Variants in FAF1 observed in about 807,000 individuals in gnomAD.
The protein encoded by FAF1 is FAS-associated factor 1.
In FAF1, 25 loss-of-function variants were observed where a neutral mutation model predicts 92.5. That is an observed-to-expected ratio of 0.27 (90% CI 0.20 to 0.38). FAF1 has a LOEUF of 0.38. Among genes scored for constraint, FAF1 ranks in the 10% least tolerant of loss-of-function variants. FAF1 has a pLI of 1.00. For missense variants in FAF1, 636 were observed against 793.3 expected (o/e 0.80, Z 2.38); for synonymous variants, 234 against 273.2 (o/e 0.86, Z 1.42).
At chr1:50,726,713 C>T (rs896869165) in intron 6 of FAF1, among the ~76,000 whole-genome samples, 1 of 152,146 alleles carries the variant, frequency 6.6e-6, no homozygotes, top group Admixed American at 6.5e-5. Context: ...CCTGTAGTCC[C>T]AGCTACTCTG....
chr1:50,456,697 G>T (rs1229888330), intron 18 of FAF1, among the ~76,000 whole-genome samples: 1 of 152,182 alleles, frequency 6.6e-6, no homozygotes, highest in Non-Finnish European at 1.5e-5. Flanking sequence ...GATTATAATA[G>T]TAAACAAGAC....
chr1:50,670,380 G>A (rs1402118722), intron 7 of FAF1, among the ~76,000 whole-genome samples: 3 of 151,778 alleles, frequency 2.0e-5, no homozygotes, highest in African/African-American at 4.8e-5. Flanking sequence ...GAGCCACGGC[G>A]CCTGGCCAGC....
chr1:50,943,399 C>T (rs983486290), intron 1 of FAF1, among the ~76,000 whole-genome samples: 4 of 152,096 alleles, frequency 2.6e-5, no homozygotes, highest in African/African-American at 9.7e-5. Context: ...TTCCTTTTGG[C>T]CTAAGATATT....
chr1:50,910,716 C>G (rs1302603278), intron 1 of FAF1, among the ~76,000 whole-genome samples: 1 of 151,850 alleles, frequency 6.6e-6, no homozygotes, highest in African/African-American at 2.4e-5. Flanking sequence ...GTGCCGTTCG[C>G]TAAGACCATT....
intron 1 of FAF1, among the ~76,000 whole-genome samples, chr1:50,938,721 A>T (rs1645106718): frequency 6.6e-6 from 1 of 152,212 alleles, no homozygotes; most frequent in African/African-American, 2.4e-5. Context: ...TCTTTCATTT[A>T]AATCTTTAAT....
At position 50,904,834 on chromosome 1, in the gene FAF1, T is replaced by C. The variant is rs926012087; in HGVS notation, c.46-46837A>G. On this transcript the variant is annotated intron_variant, in intron 1 of 18. Coordinates refer to ENST00000396153, the MANE Select transcript of FAF1 (RefSeq NM_007051.3). ...CTACTACCCAACTAAAAAAATACATTATCAATATCTTTTAAGCCATCTGAA... is the reference window on the plus strand; with the variant it reads ...CTACTACCCAACTAAAAAAATACATCATCAATATCTTTTAAGCCATCTGAA... 2.0e-5 allele frequency among the ~76,000 whole-genome samples: 3 copies of C among 152,154 alleles called. No individual in the cohort carries two copies. The South Asian group carries it at 6.2e-4, about 32-fold the overall frequency.
In FAF1 at chr1:50,491,711, C is replaced by A. The variant is rs1646840596; in HGVS notation, c.1575+10G>T. The A allele has an allele frequency of 6.3e-7, 1 of 1,597,676 alleles. No homozygotes were observed. Among genetic ancestry groups the A allele is most frequent in the Admixed American group, 1.7e-5 (1 of 57,418 alleles). ...AGTTCTTTATCCCAGAAGTACTTGA[C>A]CAAGCCTACCTTTGCTCTGTCAGCC... is the stretch of plus-strand genomic sequence containing the variant. On this transcript the variant is annotated intron_variant, in intron 16 of 18. Coordinates refer to ENST00000396153, the MANE Select transcript of FAF1 (RefSeq NM_007051.3).
chr1:50,509,520 G>A (rs1176010553), intron 15 of FAF1, among the ~76,000 whole-genome samples: 2 of 152,184 alleles, frequency 1.3e-5, no homozygotes, highest in Non-Finnish European at 2.9e-5. Context: ...GCTGAGGTGG[G>A]AGGATTGTTT....
chr1:50,548,598 T>C (rs970784365), intron 13 of FAF1, among the ~76,000 whole-genome samples: 1 of 152,218 alleles, frequency 6.6e-6, no homozygotes, highest in African/African-American at 2.4e-5. Context: ...CTTTTCACTG[T>C]GTTTCCACCT....
intron 1 of FAF1, among the ~76,000 whole-genome samples, chr1:50,954,715 G>A (rs771683541): frequency 6.6e-6 from 1 of 151,688 alleles, no homozygotes; most frequent in Non-Finnish European, 1.5e-5. Flanking sequence ...ATTTGTGTGT[G>A]TGTTTTTAGT....
At chr1:50,939,802 T>C (rs1253005801) in intron 1 of FAF1, among the ~76,000 whole-genome samples, 3 of 152,260 alleles carry the variant, frequency 2.0e-5, no homozygotes, top group South Asian at 2.1e-4. Context: ...TTGCTTTTAA[T>C]TCTGTTTATG....
intron 2 of FAF1, among the ~76,000 whole-genome samples, chr1:50,829,653 C>G (rs976521297): frequency 2.0e-5 from 3 of 152,198 alleles, no homozygotes; most frequent in African/African-American, 7.2e-5. Flanking sequence ...TCAGAGCTTT[C>G]TGTACTTAGT....
At chr1:50,646,704 T>A (rs1037207313) in intron 8 of FAF1, among the ~76,000 whole-genome samples, 3 of 152,176 alleles carry the variant, frequency 2.0e-5, no homozygotes, top group African/African-American at 7.2e-5. Flanking sequence ...ATACTTCAGT[T>A]GTCATTGTTT....
intron 8 of FAF1, among the ~76,000 whole-genome samples, chr1:50,639,355 C>T (rs1381746569): frequency 6.6e-6 from 1 of 152,226 alleles, no homozygotes; most frequent in Non-Finnish European, 1.5e-5. Context: ...ATTTTCTAAG[C>T]AGCTGCCGCT....
At chr1:50,923,153 G>A (rs537766184) in intron 1 of FAF1, among the ~76,000 whole-genome samples, 24 of 152,256 alleles carry the variant, frequency 1.6e-4, no homozygotes, top group East Asian at 9.6e-4. Flanking sequence ...GTGCAATAAC[G>A]CACACCTATA....
rs146716599 is a variant in FAF1, at chr1:50,546,022, T to C, written c.1269-6294A>G. On this transcript the variant is annotated intron_variant, in intron 13 of 18. Coordinates refer to ENST00000396153, the MANE Select transcript of FAF1 (RefSeq NM_007051.3). ...CCTCTACAAAAAATAAAAAAATTAG[T>C]TGGCAAGGTGGCATATGCCTATAGT... Among the ~76,000 whole-genome samples the C allele has an allele frequency of 7.9e-5, 12 of 152,278 alleles. No individual in the cohort carries two copies. The East Asian group carries it at 1.9e-3, about 25-fold the overall frequency.
chr1:50,806,965 T>C (rs1368014672), intron 2 of FAF1, among the ~76,000 whole-genome samples: 1 of 152,216 alleles, frequency 6.6e-6, no homozygotes, highest in Non-Finnish European at 1.5e-5. Flanking sequence ...GCAAGAACTC[T>C]GGCAACTCAA....
chr1:50,599,387 C>T (rs1197886245), intron 8 of FAF1, among the ~76,000 whole-genome samples: 1 of 152,166 alleles, frequency 6.6e-6, no homozygotes, highest in Non-Finnish European at 1.5e-5. Context: ...GCTGGGATTA[C>T]AGGCCTAAGC....
intron 1 of FAF1, among the ~76,000 whole-genome samples, chr1:50,904,743 T>A (rs888628690): frequency 1.6e-4 from 25 of 152,206 alleles, no homozygotes; most frequent in African/African-American, 6.0e-4. Flanking sequence ...TGTTTACATT[T>A]CACTTTTCCG....
Sources: allele counts gnomAD v4.1 joint callset (sites outside exome capture counted in the v4.1 genomes callset), GRCh38; gene constraint gnomAD v4.1.1; transcripts MANE v1.5; gene names NCBI Gene and HGNC (gene_info 2026-07-23, HGNC 2026-07-21).